Variants in CEP95 observed in about 807,000 individuals in gnomAD.
The protein encoded by CEP95 is centrosomal protein 95, also known as centrosomal protein of 95 kDa.
In CEP95, 98 loss-of-function variants were observed where a neutral mutation model predicts 111.2. The ratio of observed to expected loss-of-function variants is 0.88; its 90% CI spans 0.75 to 1.04. The LOEUF (loss-of-function observed/expected upper bound fraction) is 1.04. Ranked by LOEUF, CEP95 falls within the 50% of genes least tolerant of loss-of-function variation. The pLI, the probability that CEP95 is intolerant of heterozygous loss-of-function variation, is 0.00. For missense variants in CEP95, 1,027 were observed against 977.2 expected (o/e 1.05, Z -0.68); for synonymous variants, 323 against 327.1 (o/e 0.99, Z 0.14).
rs782097869 is a variant in CEP95, at chr17:64,537,074, C to T, written c.2251C>T (p.His751Tyr). Residue 751 changes from histidine (H) to tyrosine (Y), a missense_variant, in exon 19 of 20, where the codon CAT (histidine) becomes TAT (tyrosine). By Grantham distance (83) the His-to-Tyr change is moderately conservative. Coordinates refer to ENST00000556440, the MANE Select transcript of CEP95 (RefSeq NM_138363.3). ...GCTGGCAGAAGCCATATCACAGGAA[C>T]ATCAAGAACTTAAAGCCAGAGAGAA... ...SLLAEAISQE[H>Y]QELKAREKSQ... The T allele has an allele frequency of 3.7e-6, 6 of 1,612,974 alleles. No individual in the cohort carries two copies. In the South Asian group the frequency reaches 4.4e-5, roughly 12 times the overall value.
At chr17:64,510,376 A>C in intron 3 of CEP95, 96 bp downstream of exon 3, 1 of 781,700 alleles carries the variant, frequency 1.3e-6, no homozygotes, top group Non-Finnish European at 2.2e-6. Flanking sequence ...GAGTGAGCTT[A>C]TGGAGTAGAC....
intron 17 of CEP95, 164 bp downstream of exon 17, chr17:64,534,901 A>T: frequency 2.7e-6 from 2 of 746,354 alleles, no homozygotes. Context: ...TCATTTTCTT[A>T]CTCCATTGTG....
intron 5 of CEP95, 135 bp downstream of exon 5, chr17:64,516,963 A>G: frequency 3.6e-6 from 2 of 561,116 alleles, no homozygotes; most frequent in Non-Finnish European, 6.3e-6. Context: ...CATATTTTAA[A>G]CTTTCCTGAG....
rs782721078 is a variant in CEP95 at position 64,510,163 on chromosome 17, C to A, written c.149-10C>A. On this transcript the variant is annotated splice_polypyrimidine_tract_variant and intron_variant, in intron 2 of 19. Coordinates refer to ENST00000556440, the MANE Select transcript of CEP95 (RefSeq NM_138363.3). ...TGGATACAAAATTATGTGATTTTTT[C>A]CCCCCCCAGACCTCATAGTTATTCC... 73 of 1,462,194 alleles carry A rather than the reference C, an allele frequency of 5.0e-5. No homozygotes were observed. Among genetic ancestry groups the A allele is most frequent in the Non-Finnish European group, 6.6e-5 (70 of 1,060,048 alleles). The allele number at this position is 1,462,194 out of a possible 1,614,324, so 90.6% of individuals were successfully genotyped here. A position where few individuals can be genotyped will look rare whatever the true frequency, so the allele number is the denominator to read the frequency against.
chr17:64,534,567 C>A lies in CEP95; in HGVS notation c.1918-18C>A, dbSNP rs782680668. On this transcript the variant is annotated intron_variant, in intron 16 of 19. Transcript: ENST00000556440. ...TCTTGTCCTTACCCTTCTCTTCCCT[C>A]CCCTTTCCCTTTCTTAGCAAGACTT... The A allele has an allele frequency of 3.2e-5, 51 of 1,610,638 alleles. 1 individual carries two copies. In the Middle Eastern group the frequency reaches 6.6e-4, roughly 21 times the overall value.
Position 64,534,726 on chromosome 17 carries a change from C to T in CEP95, c.2059C>T (p.Arg687Trp), listed in dbSNP as rs779577755. The change falls in exon 17 of 20, where the codon CGG becomes TGG. Residue 687 changes from arginine to tryptophan, a missense_variant. Transcript: ENST00000556440. ...TGCAAAAATGATGAGAATGAGGACCCGGGAAGAAATGGTAAGTCTGACTTT... is the reference window on the plus strand; with the variant it reads ...TGCAAAAATGATGAGAATGAGGACCTGGGAAGAAATGGTAAGTCTGACTTT... ...LCAKMMRMRT[R>W]EEMIFKKLFE... 1.1e-5 allele frequency: 17 copies of T among 1,611,204 alleles called. No homozygotes were observed. The highest frequency in any genetic ancestry group is 5.0e-5 in the Admixed American group (3 of 59,630).
chr17:64,523,784 T>C (rs1967568122), intron 8 of CEP95, among the ~76,000 whole-genome samples: 2 of 152,012 alleles, frequency 1.3e-5, no homozygotes, highest in African/African-American at 2.4e-5. Flanking sequence ...CCTGTGATCT[T>C]AGCTACTTAG....
rs1001935506 is a variant in CEP95, at chr17:64,532,712, G to A, written c.1673-127G>A. 5.5e-6 allele frequency: 8 copies of A among 1,452,082 alleles called. No homozygotes were observed. The African/African-American group carries it at 1.0e-4, about 18-fold the overall frequency. The allele number at this position is 1,452,082 out of a possible 1,614,324, so 89.9% of individuals were successfully genotyped here. On this transcript the variant is annotated intron_variant, in intron 14 of 19. Coordinates refer to ENST00000556440, the MANE Select transcript of CEP95 (RefSeq NM_138363.3). ...AGAGGAGTAATGCAAATTATTATAA[G>A]TACATTTAGAATTGTTCTTTTCAGG... is the stretch of plus-strand genomic sequence containing the variant.
chr17:64,532,316 T>C (rs1295121568), intron 14 of CEP95: 1 of 1,118,072 alleles, frequency 8.9e-7, no homozygotes, highest in East Asian at 5.3e-5. Context: ...TTTTTGTCTA[T>C]TTCTGGGAGG....
intron 3 of CEP95, among the ~76,000 whole-genome samples, chr17:64,511,353 A>T (rs2038881362): frequency 6.6e-6 from 1 of 152,204 alleles, no homozygotes; most frequent in African/African-American, 2.4e-5. Flanking sequence ...AGACCATAAA[A>T]GATGGCCACG....
chr17:64,516,158 G>C (rs1474382173), intron 4 of CEP95: 1 of 152,202 alleles, frequency 6.6e-6, no homozygotes, highest in Non-Finnish European at 1.5e-5. Context: ...CTCTAGACAT[G>C]GGCATGAGAA....
chr17:64,510,192 G>T lies in CEP95; in HGVS notation c.168G>T (p.Arg56Ser), dbSNP rs376107290. Residue 56 changes from arginine to serine, a missense_variant, in exon 3 of 20, where the codon AGG becomes AGT. Transcript: ENST00000556440. The part of the protein sequence containing the change: ...EKVPDLIVIP[R>S]SQEDDAHNVQ... ...CCCCAGACCTCATAGTTATTCCTAG[G>T]AGTCAAGAAGATGATGCACACAATG... The T allele has an allele frequency of 9.3e-6, 15 of 1,608,390 alleles. No individual in the cohort carries two copies. Among genetic ancestry groups the T allele is most frequent in the Non-Finnish European group, 1.3e-5 (15 of 1,176,450 alleles).
chr17:64,536,504 T>TAA (rs372597389), intron 17 of CEP95, 98 bp from the exon 18 acceptor site: 494 of 662,918 alleles, frequency 7.5e-4, no homozygotes, highest in African/African-American at 1.9e-3. Context: ...AACTAGTATT[T>TAA]AAAAAAAAAA....
chr17:64,513,517 G>A (rs534622911), intron 3 of CEP95, among the ~76,000 whole-genome samples: 3 of 152,298 alleles, frequency 2.0e-5, no homozygotes, highest in African/African-American at 7.2e-5. Context: ...TAGGGACTGT[G>A]CTATGATCTA....
At chr17:64,533,071 AG>A in intron 15 of CEP95, 45 bp from the exon 16 acceptor site, 2 of 1,604,930 alleles carry the variant, frequency 1.2e-6, no homozygotes, top group Non-Finnish European at 1.7e-6. Flanking sequence ...TTAAGAATTT[AG>A]TGAACAGCAT....
At chr17:64,520,869 T>C (rs1555677558) in intron 6 of CEP95, among the ~76,000 whole-genome samples, 1 of 152,212 alleles carries the variant, frequency 6.6e-6, no homozygotes, top group Non-Finnish European at 1.5e-5. Context: ...AATGAAACAT[T>C]GTATGAAACT....
chr17:64,517,690 ATTTTTTTTTTTT>A (rs782455302), intron 5 of CEP95, among the ~76,000 whole-genome samples: 2 of 124,514 alleles, frequency 1.6e-5, no homozygotes, highest in Non-Finnish European at 3.4e-5. Context: ...CACCTGGCTA[ATTTTTTTTTTTT>A]TTTTTTTTTT....
At chr17:64,529,641 T>C (rs1968121839) in intron 12 of CEP95, among the ~76,000 whole-genome samples, 1 of 152,176 alleles carries the variant, frequency 6.6e-6, no homozygotes, top group Non-Finnish European at 1.5e-5. Flanking sequence ...TGGCTGGACA[T>C]AGCTTGGTGT....
At position 64,507,074 on chromosome 17, in the gene CEP95, C is replaced by A. The variant is rs1013270885; in HGVS notation, c.-24C>A. On this transcript the variant is annotated 5_prime_UTR_variant, in exon 1 of 20. Coordinates refer to ENST00000556440, the MANE Select transcript of CEP95 (RefSeq NM_138363.3). Reference sequence around the variant, plus strand: ...GTCGCCTTCCCGGCCGCGTCGGAGTCCGGCGGCGACCTGCCTCTGAAACAT... The same window carrying A: ...GTCGCCTTCCCGGCCGCGTCGGAGTACGGCGGCGACCTGCCTCTGAAACAT... The A allele has an allele frequency of 6.4e-7, 1 of 1,550,740 alleles. No homozygotes were observed. The highest frequency in any genetic ancestry group is 2.0e-5 in the Admixed American group (1 of 51,016).
Sources: gnomAD v4.1 joint callset for allele counts (sites outside exome capture counted in the v4.1 genomes callset) on GRCh38, gnomAD v4.1.1 for gene constraint, MANE v1.5 for transcripts, NCBI Gene and HGNC (gene_info 2026-07-23, HGNC 2026-07-21) for gene names.